The following APPBP2 variants were observed in gnomAD, a reference collection of about 807,000 sequenced individuals.
APPBP2 encodes the protein amyloid protein-binding protein 2.
A neutral mutation model predicts 76.0 loss-of-function variants in APPBP2; 15 were observed. The observed-to-expected ratio is 0.20, with a 90% confidence interval of 0.13 to 0.30. The LOEUF is 0.30. Ranked by LOEUF, APPBP2 falls within the 10% of genes least tolerant of loss-of-function variation. The pLI is 1.00. For synonymous variants in APPBP2, 222 were observed against 242.2 expected (o/e 0.92, Z 0.77); for missense variants, 401 against 687.2 (o/e 0.58, Z 4.66).
intron 1 of APPBP2, among the ~76,000 whole-genome samples, chr17:60,510,310 G>A (rs535597188): frequency 3.7e-4 from 56 of 152,270 alleles, no homozygotes; most frequent in Non-Finnish European, 6.8e-4. Flanking sequence ...GGCTGAGGTG[G>A]AAGGATCACT....
chr17:60,486,082 G>C (rs996437362), intron 3 of APPBP2, among the ~76,000 whole-genome samples: 1 of 152,132 alleles, frequency 6.6e-6, no homozygotes, highest in Admixed American at 6.6e-5. Flanking sequence ...TGTGATTTCT[G>C]TTCTTTTACA....
intron 1 of APPBP2, among the ~76,000 whole-genome samples, chr17:60,518,754 T>C (rs1456714559): frequency 6.6e-6 from 1 of 152,072 alleles, no homozygotes; most frequent in Non-Finnish European, 1.5e-5. Context: ...TCCTCCCACC[T>C]TGGCCTCCCA....
intron 3 of APPBP2, among the ~76,000 whole-genome samples, chr17:60,480,091 A>G (rs1205328492): frequency 6.6e-6 from 1 of 152,248 alleles, no homozygotes; most frequent in Non-Finnish European, 1.5e-5. Flanking sequence ...TACAATAACC[A>G]GAAAACACAA....
chr17:60,518,068 C>CGTTTTTTTTTTTTTTTTTTTTTTT (rs1418644039), intron 1 of APPBP2, among the ~76,000 whole-genome samples: 1 of 122,360 alleles, frequency 8.2e-6, no homozygotes, highest in African/African-American at 2.8e-5. Flanking sequence ...TTACAATTTC[C>CGTTTTTTTTTTTTTTTTTTTTTTT]TTTTTTTTTT....
intron 1 of APPBP2, among the ~76,000 whole-genome samples, chr17:60,516,008 T>C (rs2090960057): frequency 6.6e-6 from 1 of 151,890 alleles, no homozygotes; most frequent in African/African-American, 2.4e-5. Flanking sequence ...CTACCAAAAA[T>C]ATAAAAAATT....
At chr17:60,525,669 G>A (rs1239430825) in intron 1 of APPBP2, 125 bp downstream of exon 1, 6 of 1,431,738 alleles carry the variant, frequency 4.2e-6, no homozygotes, top group South Asian at 2.7e-5. Context: ...CACCGCACCA[G>A]ACGTTTCGGG....
At chr17:60,465,649 C>A (rs1426313846) in intron 5 of APPBP2, among the ~76,000 whole-genome samples, 1 of 152,100 alleles carries the variant, frequency 6.6e-6, no homozygotes, top group Non-Finnish European at 1.5e-5. Context: ...TAGAGGATCA[C>A]CTGAGCCCAG....
rs1420601945 is a variant in APPBP2, at chr17:60,444,374, C to A, written c.*3207G>T. 6.6e-6 allele frequency: 1 copy of A among 152,102 alleles called. No individual in the cohort carries two copies. The highest frequency in any genetic ancestry group is 1.5e-5 in the Non-Finnish European group (1 of 68,004). The allele number at this position is 152,102 out of a possible 1,614,324, so 9.4% of individuals were successfully genotyped here. A position where few individuals can be genotyped will look rare whatever the true frequency, so the allele number is the denominator to read the frequency against. ...ATTATTTCTATGTATAAAGTTTCAG[C>A]CAAAGGCTTCAATCATGTTTTGGCA... On this transcript the variant is annotated 3_prime_UTR_variant, in exon 13 of 13. Coordinates refer to ENST00000083182, the MANE Select transcript of APPBP2 (RefSeq NM_006380.5).
intron 7 of APPBP2, 31 bp from the exon 8 acceptor site, chr17:60,461,946 A>G (rs1422578053): frequency 1.9e-6 from 3 of 1,607,486 alleles, no homozygotes; most frequent in Non-Finnish European, 2.6e-6. Context: ...ATTAGGATAT[A>G]AAGTATAGAG....
At chr17:60,519,110 C>T (rs1252959553) in intron 1 of APPBP2, among the ~76,000 whole-genome samples, 1 of 151,070 alleles carries the variant, frequency 6.6e-6, no homozygotes. Context: ...CACAGGCATG[C>T]ACCACCACAC....
intron 3 of APPBP2, among the ~76,000 whole-genome samples, chr17:60,484,438 C>T (rs1363574017): frequency 6.6e-6 from 1 of 152,092 alleles, no homozygotes; most frequent in East Asian, 1.9e-4. Flanking sequence ...TGAAGAGGTC[C>T]TTCACATCCC....
At position 60,525,991 on chromosome 17, in the gene APPBP2, C is replaced by G; in HGVS notation, c.-60G>C. 1 of 1,491,274 alleles carries G rather than the reference C, an allele frequency of 6.7e-7. No homozygotes were observed. Among genetic ancestry groups the G allele is most frequent in the Non-Finnish European group, 9.1e-7 (1 of 1,101,888 alleles). The allele number at this position is 1,491,274 out of a possible 1,614,324, so 92.4% of individuals were successfully genotyped here. A position where few individuals can be genotyped will look rare whatever the true frequency, so the allele number is the denominator to read the frequency against. On this transcript the variant is annotated 5_prime_UTR_variant, in exon 1 of 13. Coordinates refer to ENST00000083182, the MANE Select transcript of APPBP2 (RefSeq NM_006380.5). ...TCCTCCCGAAGGCCCCCACCTCCCT[C>G]CGTAGCGAACCCCTCTGCGGCCCCG...
At chr17:60,510,804 T>C (rs72843544) in intron 1 of APPBP2, among the ~76,000 whole-genome samples, 5,273 of 152,326 alleles carry the variant, frequency 0.035, 111 homozygotes, top group Non-Finnish European at 0.053. Flanking sequence ...ATACCTTACA[T>C]TTAATGTCCT....
intron 9 of APPBP2, 185 bp downstream of exon 9, chr17:60,460,478 C>G (rs2090468715): frequency 4.1e-6 from 2 of 486,550 alleles, no homozygotes; most frequent in Non-Finnish European, 3.2e-6. Flanking sequence ...CACCTGAAAA[C>G]TGGTATGATT....
chr17:60,481,810 G>T (rs1434201776), intron 3 of APPBP2, among the ~76,000 whole-genome samples: 1 of 152,224 alleles, frequency 6.6e-6, no homozygotes, highest in Non-Finnish European at 1.5e-5. Flanking sequence ...TTCTTACAAT[G>T]ACCATTTGTG....
chr17:60,469,365 G>T (rs2090534869), intron 4 of APPBP2, among the ~76,000 whole-genome samples: 1 of 150,638 alleles, frequency 6.6e-6, no homozygotes, highest in African/African-American at 2.4e-5. Flanking sequence ...ATGATAGCTT[G>T]AAAGGGGAGA....
intron 1 of APPBP2, 142 bp downstream of exon 1, chr17:60,525,652 A>G: frequency 7.7e-7 from 1 of 1,306,034 alleles, no homozygotes; most frequent in East Asian, 2.5e-5. Flanking sequence ...TCCACTGGCA[A>G]TGCAGACACC....
chr17:60,464,980 C>T (rs1352842143), intron 5 of APPBP2: 1 of 152,214 alleles, frequency 6.6e-6, no homozygotes, highest in African/African-American at 2.4e-5. Context: ...GAGCCGTGAT[C>T]ATGCCACTGC....
intron 1 of APPBP2, among the ~76,000 whole-genome samples, chr17:60,522,865 T>C (rs1345109667): frequency 6.6e-6 from 1 of 151,524 alleles, no homozygotes; most frequent in African/African-American, 2.4e-5. Flanking sequence ...TCCATTCTTT[T>C]TTTTTTTTAA....
Sources: allele counts gnomAD v4.1 joint callset (sites outside exome capture counted in the v4.1 genomes callset), GRCh38; gene constraint gnomAD v4.1.1; transcripts MANE v1.5; gene names NCBI Gene and HGNC (gene_info 2026-07-23, HGNC 2026-07-21).